The following SLC14A1 variants were observed in gnomAD, a reference collection of about 807,000 sequenced individuals.
SLC14A1 encodes the protein urea transporter 1.
A neutral mutation model predicts 39.6 loss-of-function variants in SLC14A1; 36 were observed. The observed-to-expected ratio is 0.91, with a 90% confidence interval of 0.70 to 1.20. SLC14A1 has a LOEUF of 1.20. Among genes scored for constraint, SLC14A1 ranks in the 50% most tolerant of loss-of-function variants. SLC14A1 has a pLI of 0.00. For missense variants in SLC14A1, 469 were observed against 478.7 expected, an observed-to-expected ratio of 0.98 and a Z score of 0.19; for synonymous variants, 164 against 173.6, an observed-to-expected ratio of 0.94 and a Z score of 0.43.
At chr18:45,746,462 T>C (rs1021085288) in intron 8 of SLC14A1, among the ~76,000 whole-genome samples, 4 of 152,114 alleles carry the variant, frequency 2.6e-5, no homozygotes, top group Non-Finnish European at 4.4e-5. Flanking sequence ...AGCATAACAG[T>C]ATGAGACGTA....
rs776888170 is a variant in SLC14A1, at chr18:45,739,682, G to A, written c.946+20G>A. 2.2e-5 allele frequency: 36 copies of A among 1,613,916 alleles called. No homozygotes were observed. The highest frequency in any genetic ancestry group is 2.9e-5 in the Non-Finnish European group (34 of 1,179,996). On this transcript the variant is annotated intron_variant, in intron 8 of 9. Transcript: ENST00000321925. ...GCTGTGGTGAGTCTCCCACGCCCCT[G>A]GGGGAGGGCTGCTCATGACTACAGG...
At chr18:45,737,713 T>G (rs1355604175) in intron 6 of SLC14A1, 1 of 152,254 alleles carries the variant, frequency 6.6e-6, no homozygotes. Flanking sequence ...TCTAGCCCCA[T>G]GTGGCTATAT....
chr18:45,743,351 G>T (rs2047444080), intron 8 of SLC14A1, among the ~76,000 whole-genome samples: 1 of 152,084 alleles, frequency 6.6e-6, no homozygotes, highest in African/African-American at 2.4e-5. Context: ...TTAAGATGTA[G>T]ACGTCTTTGG....
chr18:45,733,597 AAAG>A (rs1443205402), intron 4 of SLC14A1, among the ~76,000 whole-genome samples: 1 of 152,240 alleles, frequency 6.6e-6, no homozygotes, highest in African/African-American at 2.4e-5. Context: ...TCTTGATTTA[AAAG>A]AATAACTTTC....
rs1167778173 is a variant in SLC14A1 at position 45,739,249 on chromosome 18, A to G, written c.750A>G (p.Leu250=). The stretch of plus-strand genomic sequence containing the variant: ...GGGGCATTTTCCTGGGAGCCATCCT[A>G]CTCTCCTCCCCACTCATGTGCCTGC... ...WTGGIFLGAI[L]LSSPLMCLHA... is the part of the protein sequence containing the mutation. Residue 250 remains leucine, a synonymous_variant, in exon 7 of 10, where the codon CTA becomes CTG. Coordinates refer to ENST00000321925, the MANE Select transcript of SLC14A1 (RefSeq NM_015865.7). 6.2e-7 allele frequency: 1 copy of G among 1,613,496 alleles called. No individual in the cohort carries two copies. Among genetic ancestry groups the G allele is most frequent in the African/African-American group, 1.3e-5 (1 of 74,716 alleles).
intron 4 of SLC14A1, chr18:45,731,739 AT>A (rs1240300171): frequency 5.5e-6 from 1 of 180,970 alleles, no homozygotes; most frequent in East Asian, 1.3e-4. Context: ...TATTGATTAG[AT>A]TAAAAATAGC....
At chr18:45,735,394 A>G (rs1311593848) in intron 5 of SLC14A1, among the ~76,000 whole-genome samples, 1 of 152,162 alleles carries the variant, frequency 6.6e-6, no homozygotes, top group Non-Finnish European at 1.5e-5. Flanking sequence ...CACTGTGCCT[A>G]CGTGAATTCC....
intron 2 of SLC14A1, chr18:45,727,377 G>A (rs768191978): frequency 4.1e-5 from 64 of 1,550,518 alleles, no homozygotes; most frequent in Non-Finnish European, 5.1e-5. Flanking sequence ...CAGAGGCATC[G>A]CCCGGCTAAG....
In SLC14A1 at chr18:45,751,346, A is replaced by AC. The variant is rs764715348; in HGVS notation, c.*1395_*1396insC. 1 of 886,598 alleles carries AC rather than the reference A, an allele frequency of 1.1e-6. No homozygotes were observed. The highest frequency in any genetic ancestry group is 1.3e-6 in the Non-Finnish European group (1 of 764,212). 54.9% of individuals were successfully genotyped at this position (886,598 alleles called of 1,614,324 possible). On this transcript the variant is annotated 3_prime_UTR_variant, in exon 10 of 10. Coordinates refer to ENST00000321925, the MANE Select transcript of SLC14A1 (RefSeq NM_015865.7). ...CAAGAGTGAAACTGTGTCTCTCAAA[A>AC]AAAAAAAAAAACAAACAAAAACAAA...
chr18:45,729,603 A>G (rs1030422511), intron 2 of SLC14A1: 1 of 152,132 alleles, frequency 6.6e-6, no homozygotes, highest in African/African-American at 2.4e-5. Flanking sequence ...CAGTTTCTCT[A>G]CCTTGATGAA....
At chr18:45,732,920 C>T (rs1045238966) in intron 4 of SLC14A1, among the ~76,000 whole-genome samples, 6 of 152,174 alleles carry the variant, frequency 3.9e-5, no homozygotes, top group Admixed American at 2.0e-4. Flanking sequence ...ACTACATAGC[C>T]ATAAAAAGGA....
intron 8 of SLC14A1, among the ~76,000 whole-genome samples, chr18:45,743,905 T>C (rs2047465585): frequency 6.6e-6 from 1 of 152,222 alleles, no homozygotes; most frequent in Admixed American, 6.5e-5. Flanking sequence ...GAATTTTTAT[T>C]TTGGATTTGT....
chr18:45,727,775 T>G (rs186393709), intron 2 of SLC14A1, among the ~76,000 whole-genome samples: 1 of 152,368 alleles, frequency 6.6e-6, no homozygotes, highest in Admixed American at 6.5e-5. Flanking sequence ...AGGTCCTGGC[T>G]GCATAGCCTT....
At position 45,739,257 on chromosome 18, in the gene SLC14A1, C is replaced by A; in HGVS notation, c.758C>A (p.Ser253Tyr). 3 of 1,614,148 alleles carry A rather than the reference C, an allele frequency of 1.9e-6. No homozygotes were observed. In the East Asian group the frequency reaches 6.7e-5, roughly 36 times the overall value. ...GIFLGAILLSSPLMCLHAAIG... is the reference protein window; with the variant it reads ...GIFLGAILLSYPLMCLHAAIG... ...TTCCTGGGAGCCATCCTACTCTCCT[C>A]CCCACTCATGTGCCTGCATGCTGCC... Residue 253 changes from serine (S) to tyrosine (Y), a missense_variant, in exon 7 of 10, where the codon TCC becomes TAC. By Grantham distance (144) the Ser-to-Tyr change is moderately radical. Transcript: ENST00000321925.
chr18:45,737,985 A>G (rs377139520), intron 6 of SLC14A1, among the ~76,000 whole-genome samples: 41 of 152,364 alleles, frequency 2.7e-4, no homozygotes, highest in Admixed American at 1.2e-3. Flanking sequence ...AGCCAAGTCC[A>G]AAAACAAACA....
At chr18:45,734,964 A>T (rs971476669) in intron 5 of SLC14A1, among the ~76,000 whole-genome samples, 15 of 152,222 alleles carry the variant, frequency 9.9e-5, no homozygotes, top group African/African-American at 3.4e-4. Flanking sequence ...TGATCTGGCT[A>T]CACATCCACT....
At chr18:45,748,924 A>G (rs1230004713) in intron 9 of SLC14A1, among the ~76,000 whole-genome samples, 2 of 152,162 alleles carry the variant, frequency 1.3e-5, no homozygotes, top group South Asian at 2.1e-4. Flanking sequence ...TCTGGTGGAA[A>G]GCCAAAGTCC....
intron 1 of SLC14A1, among the ~76,000 whole-genome samples, chr18:45,724,622 T>C (rs1444009222): frequency 1.3e-5 from 2 of 152,184 alleles, no homozygotes; most frequent in Admixed American, 6.5e-5. Flanking sequence ...GTTCTTGAAA[T>C]AATAATTTGG....
At chr18:45,731,281 T>C (rs962632371) in intron 4 of SLC14A1, 77 bp downstream of exon 4, 5 of 1,323,936 alleles carry the variant, frequency 3.8e-6, no homozygotes, top group Non-Finnish European at 5.4e-6. Context: ...GCAACAGTGA[T>C]AAAACCACAT....
Sources: allele counts gnomAD v4.1 joint callset (sites outside exome capture counted in the v4.1 genomes callset), GRCh38; gene constraint gnomAD v4.1.1; transcripts MANE v1.5; gene names NCBI Gene and HGNC (gene_info 2026-07-23, HGNC 2026-07-21).